Variants in RARB observed in about 807,000 individuals in gnomAD.
The protein encoded by RARB is HBV-activated protein.
RARB carries 17 observed loss-of-function variants against 51.9 expected under a neutral mutation model. The ratio of observed to expected loss-of-function variants is 0.33; its 90% CI spans 0.22 to 0.49. The LOEUF is 0.49. RARB is among the 20% of genes least tolerant of loss of function. RARB has a pLI of 0.99. For missense variants in RARB, 369 were observed against 550.8 expected (o/e 0.67, Z 3.30); for synonymous variants, 215 against 195.4 (o/e 1.10, Z -0.84).
intron 2 of RARB, among the ~76,000 whole-genome samples, chr3:25,032,540 T>C (rs1697898084): frequency 1.3e-5 from 2 of 152,216 alleles, no homozygotes; most frequent in Admixed American, 6.5e-5. Flanking sequence ...CACTACTGCA[T>C]ATTCAAAAGC....
At chr3:25,523,866 T>G (rs1455979201) in intron 3 of RARB, among the ~76,000 whole-genome samples, 1 of 152,224 alleles carries the variant, frequency 6.6e-6, no homozygotes, top group Non-Finnish European at 1.5e-5. Flanking sequence ...TTAGTAACAT[T>G]GCATTATTTT....
At chr3:25,493,318 T>C (rs985498247) in intron 2 of RARB, among the ~76,000 whole-genome samples, 2 of 152,216 alleles carry the variant, frequency 1.3e-5, no homozygotes, top group African/African-American at 4.8e-5. Context: ...TTGTCACGCA[T>C]AGACTTCCAC....
chr3:25,060,585 G>T (rs1698528624), intron 3 of RARB, among the ~76,000 whole-genome samples: 1 of 151,842 alleles, frequency 6.6e-6, no homozygotes, highest in Non-Finnish European at 1.5e-5. Context: ...CCAATAAAAT[G>T]AGATTTATAA....
At chr3:25,366,697 T>A (rs555879200) in intron 5 of RARB, among the ~76,000 whole-genome samples, 6 of 152,334 alleles carry the variant, frequency 3.9e-5, no homozygotes, top group African/African-American at 1.4e-4. Flanking sequence ...TATCAATCTA[T>A]ATTGAGTTAT....
chr3:24,991,144 TAAAAA>T (rs2125434647), intron 2 of RARB, among the ~76,000 whole-genome samples: 1 of 152,296 alleles, frequency 6.6e-6, no homozygotes, highest in Non-Finnish European at 1.5e-5. Context: ...AATTATCTGT[TAAAAA>T]GAAAATTAGG....
intron 2 of RARB, among the ~76,000 whole-genome samples, chr3:25,000,429 T>C (rs976833536): frequency 6.6e-6 from 1 of 152,096 alleles, no homozygotes; most frequent in Non-Finnish European, 1.5e-5. Flanking sequence ...TCCTACTTAC[T>C]TACAGAGAGA....
chr3:25,025,907 A>T (rs949733380), intron 2 of RARB, among the ~76,000 whole-genome samples: 2 of 152,190 alleles, frequency 1.3e-5, no homozygotes, highest in Non-Finnish European at 2.9e-5. Flanking sequence ...AAATTGAATC[A>T]TATAACATTG....
chr3:25,150,238 C>T (rs528159588), intron 4 of RARB, among the ~76,000 whole-genome samples: 20 of 152,080 alleles, frequency 1.3e-4, no homozygotes, highest in East Asian at 1.2e-3. Flanking sequence ...TAACCTGATA[C>T]GCATAGCATG....
intron 3 of RARB, among the ~76,000 whole-genome samples, chr3:25,512,813 G>A (rs1559444412): frequency 3.9e-5 from 6 of 152,128 alleles, no homozygotes; most frequent in Admixed American, 2.6e-4. Flanking sequence ...TTTTTGGGTG[G>A]TCCAGGAGCT....
chr3:25,505,830 A>G (rs1025328987), intron 3 of RARB, among the ~76,000 whole-genome samples: 2 of 151,490 alleles, frequency 1.3e-5, no homozygotes, highest in African/African-American at 4.9e-5. Context: ...GCATGTGGCA[A>G]AGCCCTGAAA....
intron 5 of RARB, among the ~76,000 whole-genome samples, chr3:25,351,862 T>C (rs542619228): frequency 2.3e-4 from 35 of 152,246 alleles, no homozygotes; most frequent in African/African-American, 8.2e-4. Flanking sequence ...CCCCAAGAGC[T>C]CTAATGTGAG....
intron 3 of RARB, among the ~76,000 whole-genome samples, chr3:25,116,305 T>A (rs2125327278): frequency 6.6e-6 from 1 of 152,296 alleles, no homozygotes; most frequent in South Asian, 2.1e-4. Context: ...ACCTTGAGTT[T>A]AAAATGTGTG....
chr3:24,860,536 A>G (rs1351508336), intron 2 of RARB, among the ~76,000 whole-genome samples: 1 of 152,160 alleles, frequency 6.6e-6, no homozygotes, highest in Non-Finnish European at 1.5e-5. Flanking sequence ...AGGCAAACTC[A>G]AGTATAGAAA....
chr3:25,472,111 T>G (rs1001155703), intron 2 of RARB, among the ~76,000 whole-genome samples: 1 of 152,250 alleles, frequency 6.6e-6, no homozygotes, highest in Non-Finnish European at 1.5e-5. Context: ...GAAATTAAAT[T>G]AAGCCAGGCT....
rs550818549 is a variant in RARB, at chr3:24,860,846, C to T, written c.-380+2094C>T. On this transcript the variant is annotated intron_variant, in intron 2 of 11. Transcript: ENST00000383772. ...TCACTTTCTAAAAAGAGGAATTGAACTACATGAACTCAAGGGGCTTCTTGT... is the reference window on the plus strand; with the variant it reads ...TCACTTTCTAAAAAGAGGAATTGAATTACATGAACTCAAGGGGCTTCTTGT... Among the ~76,000 whole-genome samples the T allele has an allele frequency of 2.6e-5, 4 of 152,228 alleles. No individual in the cohort carries two copies. The South Asian group carries it at 8.3e-4, about 32-fold the overall frequency.
At chr3:24,980,253 G>A (rs77641065) in intron 2 of RARB, among the ~76,000 whole-genome samples, 1 of 151,980 alleles carries the variant, frequency 6.6e-6, no homozygotes, top group African/African-American at 2.4e-5. Context: ...GTGTCTTCGG[G>A]TTGCTCTTCT....
intron 5 of RARB, among the ~76,000 whole-genome samples, chr3:25,372,197 G>A (rs561279052): frequency 6.6e-6 from 1 of 152,320 alleles, no homozygotes; most frequent in South Asian, 2.1e-4. Flanking sequence ...CCATTTAAAT[G>A]GTTGTCTTTC....
At chr3:25,557,276 A>G (rs1002565519) in intron 3 of RARB, among the ~76,000 whole-genome samples, 42 of 152,308 alleles carry the variant, frequency 2.8e-4, no homozygotes, top group Admixed American at 2.4e-3. Context: ...AGTGGAATGA[A>G]TAACTGAGTC....
intron 5 of RARB, among the ~76,000 whole-genome samples, chr3:25,186,885 CTGTGTGTGTGTGTGTGTGTGTGTG>C (rs71057702): frequency 2.6e-5 from 3 of 114,284 alleles, no homozygotes; most frequent in Admixed American, 9.6e-5. Context: ...AAAGGTAAGC[CTGTGTGTGTGTGTGTGTGTGTGTG>C]TGTGTGTGTG....
Sources: allele counts gnomAD v4.1 joint callset (sites outside exome capture counted in the v4.1 genomes callset), GRCh38; gene constraint gnomAD v4.1.1; transcripts MANE v1.5; gene names NCBI Gene and HGNC (gene_info 2026-07-23, HGNC 2026-07-21).